Variants in AUTS2 observed in about 807,000 individuals in gnomAD.
AUTS2 encodes autism susceptibility gene 2 protein.
A neutral mutation model predicts 112.4 loss-of-function variants in AUTS2; 17 were observed. The ratio of observed to expected loss-of-function variants is 0.15; its 90% CI spans 0.10 to 0.23. The LOEUF (loss-of-function observed/expected upper bound fraction) is 0.23. Ranked by LOEUF, AUTS2 falls within the 10% of genes least tolerant of loss-of-function variation. AUTS2 has a pLI of 1.00. For missense variants in AUTS2, 1,510 were observed against 1,701.6 expected (o/e 0.89, Z 1.98); for synonymous variants, 751 against 702.7 (o/e 1.07, Z -1.09).
chr7:70,078,973 T>G (rs1415494957), intron 2 of AUTS2, among the ~76,000 whole-genome samples: 2 of 152,206 alleles, frequency 1.3e-5, no homozygotes, highest in Non-Finnish European at 2.9e-5. Flanking sequence ...TATCTTTGCT[T>G]TTTTCTCCCT....
intron 4 of AUTS2, among the ~76,000 whole-genome samples, chr7:70,358,878 C>T (rs986010248): frequency 6.6e-6 from 1 of 152,236 alleles, no homozygotes; most frequent in African/African-American, 2.4e-5. Flanking sequence ...GGATCCAGCT[C>T]TCCTTCAGAA....
chr7:70,616,051 CTT>C (rs558088289), intron 5 of AUTS2, among the ~76,000 whole-genome samples: 1 of 152,154 alleles, frequency 6.6e-6, no homozygotes, highest in Non-Finnish European at 1.5e-5. Context: ...AGCCCAGAAA[CTT>C]TTCTTTTAGC....
chr7:70,419,507 G>A (rs141271905), intron 4 of AUTS2, among the ~76,000 whole-genome samples: 9 of 152,266 alleles, frequency 5.9e-5, no homozygotes, highest in South Asian at 2.1e-4. Context: ...AGCAGATTTC[G>A]TGGCCCTTGC....
intron 1 of AUTS2, among the ~76,000 whole-genome samples, chr7:69,881,371 AT>A (rs34319045): frequency 0.27 from 36,531 of 136,638 alleles, 4,365 homozygotes; most frequent in Middle Eastern, 0.34. Flanking sequence ...CAATAAACCC[AT>A]TTTTTTTTTT....
Position 70,789,888 on chromosome 7 carries a change from A to G in AUTS2, c.2672A>G (p.Lys891Arg), listed in dbSNP as rs768689013. The change falls in exon 19 of 19, where the codon AAA becomes AGA. Residue 891 changes from lysine (K) to arginine (R), a missense_variant. Coordinates refer to ENST00000342771, the MANE Select transcript of AUTS2 (RefSeq NM_015570.4). ...GAGGCTCGGGAGAAGGACAAACCCAAAGAGAGGGAGAGAGACCACTCGGAA... is the reference window on the plus strand; with the variant it reads ...GAGGCTCGGGAGAAGGACAAACCCAGAGAGAGGGAGAGAGACCACTCGGAA... ...NTEAREKDKP[K>R]ERERDHSESR... is the part of the protein sequence containing the mutation. 3.0e-5 allele frequency: 49 copies of G among 1,613,864 alleles called. No homozygotes were observed. The East Asian group carries it at 9.8e-4, about 32-fold the overall frequency.
At chr7:70,703,489 T>C (rs1466907714) in intron 6 of AUTS2, among the ~76,000 whole-genome samples, 10 of 16,494 alleles carry the variant, frequency 6.1e-4, no homozygotes, top group Non-Finnish European at 1.1e-3. Flanking sequence ...AGACACCATT[T>C]CAAAAAAAAA....
intron 4 of AUTS2, among the ~76,000 whole-genome samples, chr7:70,186,405 G>A (rs955541086): frequency 6.6e-6 from 1 of 151,946 alleles, no homozygotes; most frequent in Non-Finnish European, 1.5e-5. Context: ...ACGTTAGAGC[G>A]TTTGTGTGTG....
intron 5 of AUTS2, among the ~76,000 whole-genome samples, chr7:70,679,474 AATTCTGGGGTT>A (rs1468537184): frequency 2.0e-5 from 3 of 152,092 alleles, no homozygotes; most frequent in Non-Finnish European, 4.4e-5. Flanking sequence ...TCCATTACCA[AATTCTGGGGTT>A]TTAAATCCTG....
intron 5 of AUTS2, among the ~76,000 whole-genome samples, chr7:70,528,092 G>GTTTTTTTTTT (rs1799919340): frequency 9.1e-6 from 1 of 109,404 alleles, no homozygotes; most frequent in African/African-American, 4.3e-5. Flanking sequence ...TAAATTTAAG[G>GTTTTTTTTTT]ATTTTTTTTT....
Position 70,659,599 on chromosome 7 carries a change from A to G in AUTS2, c.691-38970A>G, listed in dbSNP as rs146917213. Among the ~76,000 whole-genome samples the G allele has an allele frequency of 4.4e-3, 665 of 152,274 alleles. 4 individuals carry two copies. Among genetic ancestry groups the G allele is most frequent in the African/African-American group, 0.015 (636 of 41,550 alleles). On this transcript the variant is annotated intron_variant, in intron 5 of 18. Coordinates refer to ENST00000342771, the MANE Select transcript of AUTS2 (RefSeq NM_015570.4). Reference sequence around the variant, plus strand: ...CTCCTAGAGATTATTGCAGGGGTTCAAGTTATGGACATTACTGGGAGGATA... The same window carrying G: ...CTCCTAGAGATTATTGCAGGGGTTCGAGTTATGGACATTACTGGGAGGATA...
intron 2 of AUTS2, among the ~76,000 whole-genome samples, chr7:70,044,012 A>C (rs186321546): frequency 6.6e-6 from 1 of 152,020 alleles, no homozygotes; most frequent in South Asian, 2.1e-4. Flanking sequence ...CTATGAGTGC[A>C]TAAGTGAAAT....
chr7:70,090,258 C>T (rs1803842575), intron 2 of AUTS2, among the ~76,000 whole-genome samples: 1 of 151,870 alleles, frequency 6.6e-6, no homozygotes, highest in African/African-American at 2.4e-5. Flanking sequence ...TGTTTCAACT[C>T]TCTTGTTGTC....
At chr7:70,561,791 G>A (rs910925751) in intron 5 of AUTS2, among the ~76,000 whole-genome samples, 11 of 152,108 alleles carry the variant, frequency 7.2e-5, no homozygotes, top group African/African-American at 1.7e-4. Context: ...CTTTCCGGGG[G>A]TCCTGCAGCA....
At chr7:69,897,217 G>C (rs542359559) in intron 1 of AUTS2, among the ~76,000 whole-genome samples, 1 of 152,198 alleles carries the variant, frequency 6.6e-6, no homozygotes, top group African/African-American at 2.4e-5. Context: ...ACTAGAAAAG[G>C]GAGGAGTGTG....
At position 70,787,446 on chromosome 7, in the gene AUTS2, C is replaced by T. The variant is rs746445568; in HGVS notation, c.2531+15C>T. The T allele has an allele frequency of 2.2e-5, 34 of 1,574,696 alleles. No individual in the cohort carries two copies. The highest frequency in any genetic ancestry group is 1.2e-4 in the South Asian group (11 of 88,886). ...GACAAAGAAAGGTACGGAAAGAAACCGCTCTCGAGTCCCCACGGGGGAGCC... is the reference window on the plus strand; with the variant it reads ...GACAAAGAAAGGTACGGAAAGAAACTGCTCTCGAGTCCCCACGGGGGAGCC... On this transcript the variant is annotated intron_variant, in intron 18 of 18. Coordinates refer to ENST00000342771, the MANE Select transcript of AUTS2 (RefSeq NM_015570.4).
At chr7:70,310,377 A>G (rs1410876503) in intron 4 of AUTS2, among the ~76,000 whole-genome samples, 1 of 152,072 alleles carries the variant, frequency 6.6e-6, no homozygotes, top group Non-Finnish European at 1.5e-5. Context: ...TTGGGAGGCC[A>G]AGGTGGGCGG....
chr7:69,715,772 A>G (rs1798579327), intron 1 of AUTS2, among the ~76,000 whole-genome samples: 2 of 152,236 alleles, frequency 1.3e-5, no homozygotes, highest in South Asian at 4.1e-4. Context: ...TGCTTTCATA[A>G]GCTAGTGGAG....
chr7:70,115,882 C>T (rs1415328080), intron 2 of AUTS2, among the ~76,000 whole-genome samples: 1 of 151,996 alleles, frequency 6.6e-6, no homozygotes, highest in African/African-American at 2.4e-5. Context: ...AAGATCTGAG[C>T]TTTAAAAAAC....
chr7:70,296,763 A>G (rs1788955633), intron 4 of AUTS2, among the ~76,000 whole-genome samples: 1 of 152,032 alleles, frequency 6.6e-6, no homozygotes, highest in Non-Finnish European at 1.5e-5. Flanking sequence ...CCTTAGGATA[A>G]ATTTCTTTTA....
Sources: gnomAD v4.1 joint callset for allele counts (sites outside exome capture counted in the v4.1 genomes callset) on GRCh38, gnomAD v4.1.1 for gene constraint, MANE v1.5 for transcripts, NCBI Gene and HGNC (gene_info 2026-07-23, HGNC 2026-07-21) for gene names.